The following LRP1B variants were observed in gnomAD, a reference collection of about 807,000 sequenced individuals.
LRP1B encodes the protein low-density lipoprotein receptor-related protein 1B.
LRP1B carries 217 observed loss-of-function variants against 556.6 expected under a neutral mutation model. That is an observed-to-expected ratio of 0.39 (90% CI 0.35 to 0.44). LRP1B has a LOEUF of 0.44. LRP1B is among the 20% of genes least tolerant of loss of function. LRP1B has a pLI of 1.00. For synonymous variants in LRP1B, 2,047 were observed against 1,865.8 expected, an observed-to-expected ratio of 1.10 and a Z score of -2.50; for missense variants, 5,053 against 5,620.8, an observed-to-expected ratio of 0.90 and a Z score of 3.23.
chr2:140,331,640 T>TTTCATATATC (rs1369219316), intron 79 of LRP1B, among the ~76,000 whole-genome samples: 4 of 150,434 alleles, frequency 2.7e-5, no homozygotes, highest in African/African-American at 9.7e-5. Flanking sequence ...GACTATATTA[T>TTTCATATATC]TTCATATATC....
At position 141,449,224 on chromosome 2, in the gene LRP1B, C is replaced by T. The variant is rs10201866; in HGVS notation, c.343+31172G>A. ...CTGCGCTATAAATCCTAAATTTTTG[C>T]TTAATCTTGTGAAGCCCACCATTGC... On this transcript the variant is annotated intron_variant, in intron 3 of 90. Coordinates refer to ENST00000389484, the MANE Select transcript of LRP1B (RefSeq NM_018557.3). Among the ~76,000 whole-genome samples the T allele has an allele frequency of 7.2e-5, 11 of 152,204 alleles. No individual in the cohort carries two copies. The East Asian group carries it at 2.1e-3, about 29-fold the overall frequency.
chr2:140,995,513 G>GT (rs1156534283), intron 15 of LRP1B, among the ~76,000 whole-genome samples: 4 of 151,992 alleles, frequency 2.6e-5, no homozygotes, highest in Non-Finnish European at 4.4e-5. Flanking sequence ...TGGGTGTGTA[G>GT]TTTTGCTTTT....
chr2:141,102,575 C>T (rs1017227005), intron 7 of LRP1B, among the ~76,000 whole-genome samples: 12 of 151,690 alleles, frequency 7.9e-5, no homozygotes, highest in African/African-American at 2.9e-4. Flanking sequence ...GCAAATACGG[C>T]CAAATGAAAG....
chr2:140,758,028 T>C (rs1688795266), intron 35 of LRP1B, among the ~76,000 whole-genome samples: 1 of 152,146 alleles, frequency 6.6e-6, no homozygotes, highest in Non-Finnish European at 1.5e-5. Context: ...ACTCTGTAAA[T>C]ATACTGAAAA....
chr2:141,659,798 T>C (rs1690146008), intron 2 of LRP1B, among the ~76,000 whole-genome samples: 1 of 152,144 alleles, frequency 6.6e-6, no homozygotes, highest in Non-Finnish European at 1.5e-5. Context: ...GTATCTCTCA[T>C]ACAGGAAGCA....
At chr2:140,748,757 T>TA (rs1688446498) in intron 35 of LRP1B, among the ~76,000 whole-genome samples, 1 of 132,216 alleles carries the variant, frequency 7.6e-6, no homozygotes, top group Non-Finnish European at 1.6e-5. Flanking sequence ...ATGATATATA[T>TA]TATATACATG....
rs1684320206 is a variant in LRP1B, at chr2:141,516,618, G to A, written c.206-36085C>T. ...TGCAGGGAGCCATGATTGCACCACT[G>A]TACCCCAGCCTGGGCAATGGAGTAC... On this transcript the variant is annotated intron_variant, in intron 2 of 90. Coordinates refer to ENST00000389484, the MANE Select transcript of LRP1B (RefSeq NM_018557.3). 5.3e-5 allele frequency among the ~76,000 whole-genome samples: 8 copies of A among 151,780 alleles called. 1 individual carries two copies. The South Asian group carries it at 1.7e-3, about 32-fold the overall frequency.
At chr2:141,962,005 T>C (rs920898959) in intron 1 of LRP1B, among the ~76,000 whole-genome samples, 2 of 151,798 alleles carry the variant, frequency 1.3e-5, no homozygotes, top group East Asian at 3.9e-4. Flanking sequence ...ATTCAGATTA[T>C]CTTTGTTATT....
At chr2:141,835,472 A>T (rs1241463296) in intron 1 of LRP1B, among the ~76,000 whole-genome samples, 1 of 151,426 alleles carries the variant, frequency 6.6e-6, no homozygotes, top group Admixed American at 6.6e-5. Context: ...CAATCATATT[A>T]ATGACTGTCA....
intron 20 of LRP1B, 28 bp downstream of exon 20, chr2:140,950,207 G>T (rs761231525): frequency 6.8e-7 from 1 of 1,472,148 alleles, no homozygotes; most frequent in South Asian, 1.4e-5. Context: ...TTTAAAATGA[G>T]ATTTCATTAA....
At chr2:142,114,760 T>C (rs1707122321) in intron 1 of LRP1B, among the ~76,000 whole-genome samples, 1 of 152,068 alleles carries the variant, frequency 6.6e-6, no homozygotes, top group South Asian at 2.1e-4. Context: ...AAAGGTGTGC[T>C]AGGGTGGGAA....
At chr2:141,983,382 G>T (rs1702096762) in intron 1 of LRP1B, among the ~76,000 whole-genome samples, 1 of 152,066 alleles carries the variant, frequency 6.6e-6, no homozygotes, top group Non-Finnish European at 1.5e-5. Flanking sequence ...TGTTCCATCA[G>T]GGCAAAACCC....
At chr2:140,333,073 T>C (rs1002217271) in intron 79 of LRP1B, among the ~76,000 whole-genome samples, 4 of 152,196 alleles carry the variant, frequency 2.6e-5, no homozygotes, top group Non-Finnish European at 4.4e-5. Flanking sequence ...TTCTCTTGAA[T>C]TGTTTCTATG....
At position 140,475,163 on chromosome 2, in the gene LRP1B, G is replaced by A. The variant is rs1016527254; in HGVS notation, c.9600C>T (p.Asn3200=). Residue 3200 remains asparagine, a synonymous_variant, in exon 60 of 91, where the codon AAC becomes AAT. Coordinates refer to ENST00000389484, the MANE Select transcript of LRP1B (RefSeq NM_018557.3). ...CTTTGTGTCTATGAGATCCATCCAT[G>A]TTGCTAAATTCAATGTGATTTTCAT... ...WADENHIEFS[N]MDGSHRHKVP... 5 of 1,598,604 alleles carry A rather than the reference G, an allele frequency of 3.1e-6. No individual in the cohort carries two copies. In the African/African-American group the frequency reaches 6.7e-5, roughly 21 times the overall value.
chr2:141,243,707 A>C, intron 5 of LRP1B, among the ~76,000 whole-genome samples: 1 of 152,164 alleles, frequency 6.6e-6, no homozygotes. Flanking sequence ...TCAAGTATTA[A>C]ATTGCACTAG....
At chr2:140,652,773 A>C (rs925614711) in intron 41 of LRP1B, among the ~76,000 whole-genome samples, 1 of 152,112 alleles carries the variant, frequency 6.6e-6, no homozygotes, top group Admixed American at 6.5e-5. Flanking sequence ...ATGCCAATCC[A>C]ACTAAAAATG....
intron 47 of LRP1B, among the ~76,000 whole-genome samples, chr2:140,528,854 G>C (rs1574044508): frequency 6.6e-6 from 1 of 152,058 alleles, no homozygotes; most frequent in East Asian, 1.9e-4. Context: ...CTTTCTCTCT[G>C]TTGCTTCAAC....
At chr2:140,560,052 C>A (rs927763226) in intron 43 of LRP1B, among the ~76,000 whole-genome samples, 3 of 151,998 alleles carry the variant, frequency 2.0e-5, no homozygotes, top group African/African-American at 7.2e-5. Context: ...TCACTTTAAC[C>A]AAGTGATCAA....
chr2:142,006,399 T>C (rs577820872), intron 1 of LRP1B, among the ~76,000 whole-genome samples: 1 of 152,238 alleles, frequency 6.6e-6, no homozygotes, highest in Admixed American at 6.5e-5. Flanking sequence ...GATTGGCTTC[T>C]TACATATTAG....
Sources: allele counts gnomAD v4.1 joint callset (sites outside exome capture counted in the v4.1 genomes callset), GRCh38; gene constraint gnomAD v4.1.1; transcripts MANE v1.5; gene names NCBI Gene and HGNC (gene_info 2026-07-23, HGNC 2026-07-21).